Variants in GLIS3 observed in about 807,000 individuals in gnomAD.
GLIS3 encodes the protein zinc finger protein GLIS3.
A neutral mutation model predicts 78.6 loss-of-function variants in GLIS3; 53 were observed. The ratio of observed to expected loss-of-function variants is 0.67; its 90% confidence interval spans 0.54 to 0.85. The LOEUF is 0.85. Ranked by LOEUF, GLIS3 falls within the 40% of genes least tolerant of loss-of-function variation. The pLI is 0.00. For missense variants in GLIS3, 1,703 were observed against 1,231.1 expected (o/e 1.38, Z -5.74); for synonymous variants, 684 against 509.9 (o/e 1.34, Z -4.60).
At chr9:4,485,864 G>A in the GLIS3 span, among the ~76,000 whole-genome samples, 1 of 152,036 alleles carries the variant, frequency 6.6e-6, no homozygotes, top group Non-Finnish European at 1.5e-5. Flanking sequence ...TGGAATTATA[G>A]GTTCCTGCCA....
intron 2 of GLIS3, among the ~76,000 whole-genome samples, chr9:4,259,890 G>T (rs933679831): frequency 6.6e-6 from 1 of 152,172 alleles, no homozygotes; most frequent in Non-Finnish European, 1.5e-5. Context: ...CGGAGAAAAT[G>T]TGTTTTCAGG....
At chr9:4,337,466 G>C (rs376418462) in intron 2 of GLIS3, among the ~76,000 whole-genome samples, 1 of 152,186 alleles carries the variant, frequency 6.6e-6, no homozygotes, top group East Asian at 1.9e-4. Flanking sequence ...TCATACTTTT[G>C]ATTTAAACGA....
chr9:4,173,942 G>A (rs1032886968), intron 2 of GLIS3, among the ~76,000 whole-genome samples: 6 of 142,396 alleles, frequency 4.2e-5, no homozygotes, highest in Admixed American at 1.3e-4. Flanking sequence ...ACGCACGCAC[G>A]CACACACGCA....
chr9:4,179,843 G>C (rs898536497), intron 2 of GLIS3, among the ~76,000 whole-genome samples: 5 of 151,930 alleles, frequency 3.3e-5, no homozygotes, highest in African/African-American at 4.8e-5. Context: ...CCGGGAGGCA[G>C]AGGCTACAGT....
chr9:3,929,982 A>T (rs889999865), intron 6 of GLIS3, among the ~76,000 whole-genome samples: 1 of 152,180 alleles, frequency 6.6e-6, no homozygotes, highest in African/African-American at 2.4e-5. Flanking sequence ...TGTACCATGT[A>T]AATATTACAC....
At chr9:4,387,285 G>C in the GLIS3 span, among the ~76,000 whole-genome samples, 1 of 151,842 alleles carries the variant, frequency 6.6e-6, no homozygotes, top group African/African-American at 2.4e-5. Context: ...CAAAACAATG[G>C]CCTCCCAGAA....
chr9:4,392,579 A>G, the GLIS3 span, among the ~76,000 whole-genome samples: 3 of 152,162 alleles, frequency 2.0e-5, no homozygotes, highest in African/African-American at 7.2e-5. Flanking sequence ...CTAACAGGTG[A>G]CAGTTCCAGC....
At chr9:3,862,371 G>T (rs1005726735) in intron 8 of GLIS3, among the ~76,000 whole-genome samples, 2 of 152,138 alleles carry the variant, frequency 1.3e-5, no homozygotes, top group African/African-American at 2.4e-5. Context: ...GTGTTGCTCA[G>T]TGTGCTTTGG....
the GLIS3 span, among the ~76,000 whole-genome samples, chr9:4,366,758 G>A: frequency 6.6e-6 from 1 of 152,212 alleles, no homozygotes; most frequent in Admixed American, 6.5e-5. Context: ...ATATGGTTGG[G>A]CACAGAGAGC....
chr9:4,116,786 G>A (rs1051597504), intron 4 of GLIS3, among the ~76,000 whole-genome samples: 7 of 151,986 alleles, frequency 4.6e-5, no homozygotes, highest in East Asian at 1.9e-4. Flanking sequence ...CAATATCCAG[G>A]GAATATATAG....
intron 2 of GLIS3, among the ~76,000 whole-genome samples, chr9:4,254,390 T>G (rs949449387): frequency 6.6e-6 from 1 of 152,222 alleles, no homozygotes; most frequent in Non-Finnish European, 1.5e-5. Context: ...AAAGACTGAA[T>G]AGAGACATAT....
intron 4 of GLIS3, among the ~76,000 whole-genome samples, chr9:4,017,010 C>T (rs941910470): frequency 6.6e-6 from 1 of 152,198 alleles, no homozygotes; most frequent in African/African-American, 2.4e-5. Context: ...AACAACCATT[C>T]AATCGGCCAT....
intron 2 of GLIS3, among the ~76,000 whole-genome samples, chr9:4,321,911 G>A (rs1431707820): frequency 6.6e-6 from 1 of 151,918 alleles, no homozygotes; most frequent in Non-Finnish European, 1.5e-5. Flanking sequence ...TAATTTCTGG[G>A]GTACACGTGC....
rs546243732 is a variant in GLIS3 at position 4,089,097 on chromosome 9, G to T, written c.1710+28671C>A. 2.0e-5 allele frequency among the ~76,000 whole-genome samples: 3 copies of T among 152,284 alleles called. No individual in the cohort carries two copies. In the East Asian group the frequency reaches 5.8e-4, roughly 29 times the overall value. The stretch of plus-strand genomic sequence containing the variant: ...TGTTTGCTTTACTTTTATTTTTTAT[G>T]AACTAGTCCCAAATATTTTGATGTG... On this transcript the variant is annotated intron_variant, in intron 4 of 10. Transcript: ENST00000381971.
chr9:3,914,839 C>CAAA, intron 6 of GLIS3, among the ~76,000 whole-genome samples: 1 of 152,322 alleles, frequency 6.6e-6, no homozygotes, highest in African/African-American at 2.4e-5. Flanking sequence ...CCTGATCGCA[C>CAAA]TGGCCCTGCT....
At chr9:3,916,688 AT>A (rs200908402) in intron 6 of GLIS3, among the ~76,000 whole-genome samples, 8 of 151,280 alleles carry the variant, frequency 5.3e-5, no homozygotes, top group East Asian at 1.9e-4. Flanking sequence ...TCTTTACTGC[AT>A]TTTTTTTTCT....
chr9:4,414,472 C>G, the GLIS3 span, among the ~76,000 whole-genome samples: 3 of 152,142 alleles, frequency 2.0e-5, no homozygotes, highest in African/African-American at 7.2e-5. Context: ...TCAGTTGTCT[C>G]AGTGATATTG....
rs1048533287 is a variant in GLIS3, at chr9:3,896,969, T to C, written c.2128+1722A>G. On this transcript the variant is annotated intron_variant, in intron 7 of 10. Coordinates refer to ENST00000381971, the MANE Select transcript of GLIS3 (RefSeq NM_001042413.2). ...ACAAAAAGTGGACATTTGCTTGGAA[T>C]GACAAAAACATTTCAAGCTGAACCT... Among the ~76,000 whole-genome samples the C allele has an allele frequency of 2.6e-5, 4 of 152,280 alleles. No homozygotes were observed. The South Asian group carries it at 8.3e-4, about 32-fold the overall frequency.
intron 4 of GLIS3, among the ~76,000 whole-genome samples, chr9:3,946,610 A>G (rs1816311892): frequency 6.6e-6 from 1 of 152,214 alleles, no homozygotes; most frequent in African/African-American, 2.4e-5. Context: ...ATATGGTTGT[A>G]TTTTTGTGAA....
Sources: gnomAD v4.1 joint callset for allele counts (sites outside exome capture counted in the v4.1 genomes callset) on GRCh38, gnomAD v4.1.1 for gene constraint, MANE v1.5 for transcripts, NCBI Gene and HGNC (gene_info 2026-07-23, HGNC 2026-07-21) for gene names.